The following PRMT3 variants were observed in gnomAD, a reference collection of about 807,000 sequenced individuals.
The protein encoded by PRMT3 is protein arginine N-methyltransferase 3.
In PRMT3, 62 loss-of-function variants were observed where a neutral mutation model predicts 71.9. The ratio of observed to expected loss-of-function variants is 0.86; its 90% CI spans 0.70 to 1.07. The LOEUF (loss-of-function observed/expected upper bound fraction) is 1.07, where lower values mean the gene tolerates loss of function less well. PRMT3 is among the 50% of genes least tolerant of loss of function. The probability of loss-of-function intolerance (pLI) is 0.00; values close to 1 mark genes in which losing one functional copy is unlikely to be tolerated. For missense variants in PRMT3, 663 were observed against 643.0 expected (o/e 1.03, Z -0.34); for synonymous variants, 213 against 220.4 (o/e 0.97, Z 0.30).
At chr11:20,482,136 G>A (rs915923167) in intron 13 of PRMT3, among the ~76,000 whole-genome samples, 3 of 149,336 alleles carry the variant, frequency 2.0e-5, no homozygotes, top group African/African-American at 7.7e-5. Context: ...ATAGAGATTC[G>A]TGTGCTTGAT....
At chr11:20,457,993 G>T (rs1258659337) in intron 11 of PRMT3, among the ~76,000 whole-genome samples, 1 of 152,086 alleles carries the variant, frequency 6.6e-6, no homozygotes, top group Admixed American at 6.5e-5. Flanking sequence ...GAATGATGGG[G>T]AAATGAGTCC....
At chr11:20,443,045 T>G (rs1849945082) in intron 10 of PRMT3, among the ~76,000 whole-genome samples, 1 of 152,106 alleles carries the variant, frequency 6.6e-6, no homozygotes, top group Admixed American at 6.5e-5. Flanking sequence ...GTTGCCAAAT[T>G]CTCCTCAATG....
intron 6 of PRMT3, among the ~76,000 whole-genome samples, chr11:20,397,259 AAAG>A (rs1226792529): frequency 6.6e-6 from 1 of 152,258 alleles, no homozygotes; most frequent in Non-Finnish European, 1.5e-5. Context: ...ATTTGCTAAA[AAAG>A]GATTTTAAAA....
intron 10 of PRMT3, among the ~76,000 whole-genome samples, chr11:20,428,778 A>G (rs920880445): frequency 6.6e-6 from 1 of 152,238 alleles, no homozygotes; most frequent in South Asian, 2.1e-4. Context: ...TAGAAACACT[A>G]AATCTCCCAA....
intron 3 of PRMT3, among the ~76,000 whole-genome samples, chr11:20,391,407 G>C (rs1488626398): frequency 6.6e-6 from 1 of 151,962 alleles, no homozygotes; most frequent in Non-Finnish European, 1.5e-5. Context: ...CACCACACTG[G>C]CTAATTTTGT....
intron 11 of PRMT3, among the ~76,000 whole-genome samples, chr11:20,458,682 AT>A: frequency 6.6e-6 from 1 of 152,218 alleles, no homozygotes; most frequent in Non-Finnish European, 1.5e-5. Flanking sequence ...TATAACACTG[AT>A]TACATATCCT....
chr11:20,505,364 T>C (rs1851566189), intron 15 of PRMT3, among the ~76,000 whole-genome samples: 1 of 152,212 alleles, frequency 6.6e-6, no homozygotes. Flanking sequence ...AAGTGTCCAT[T>C]ATCTGTCTTT....
intron 8 of PRMT3, among the ~76,000 whole-genome samples, chr11:20,404,217 T>TTTTTG (rs1849016388): frequency 2.1e-5 from 1 of 47,880 alleles, no homozygotes; most frequent in African/African-American, 7.7e-5. Context: ...CATAGTTTTT[T>TTTTTG]TTTTTTTTTT....
intron 4 of PRMT3, 25 bp from the exon 5 acceptor site, chr11:20,392,872 A>G (rs769515810): frequency 7.1e-7 from 1 of 1,415,758 alleles, no homozygotes; most frequent in East Asian, 2.3e-5. Flanking sequence ...TAATGAAAAA[A>G]ACATGAGATT....
At chr11:20,482,072 G>T (rs560974530) in intron 13 of PRMT3, among the ~76,000 whole-genome samples, 121 of 152,198 alleles carry the variant, frequency 8.0e-4, no homozygotes, top group African/African-American at 2.8e-3. Flanking sequence ...GAATGCAAAA[G>T]TCCACAAAAT....
intron 10 of PRMT3, among the ~76,000 whole-genome samples, chr11:20,442,678 A>AT (rs2133375128): frequency 6.6e-6 from 1 of 152,240 alleles, no homozygotes; most frequent in East Asian, 1.9e-4. Context: ...CAGGTATTTG[A>AT]TTAATTCTGC....
rs970257175 is a variant in PRMT3 at position 20,427,105 on chromosome 11, T to C, written c.993+240T>C. ...TCATAATCTTTAAAAAGTGATAAATTATCTTTTTTATCTTAAAAGTCCTGA... is the reference window on the plus strand; with the variant it reads ...TCATAATCTTTAAAAAGTGATAAATCATCTTTTTTATCTTAAAAGTCCTGA... On this transcript the variant is annotated intron_variant, in intron 10 of 15. Coordinates refer to ENST00000331079, the MANE Select transcript of PRMT3 (RefSeq NM_005788.4). Among the ~76,000 whole-genome samples, 10 of 152,280 alleles carry C rather than the reference T, an allele frequency of 6.6e-5. No homozygotes were observed. In the South Asian group the frequency reaches 1.9e-3, roughly 28 times the overall value.
At chr11:20,464,323 T>A in intron 12 of PRMT3, 137 bp from the exon 13 acceptor site, 1 of 1,232,956 alleles carries the variant, frequency 8.1e-7, no homozygotes, top group Non-Finnish European at 1.1e-6. Flanking sequence ...GAGTAAAGTT[T>A]GCAAAACTTT....
At chr11:20,500,387 A>G (rs1851429980) in intron 15 of PRMT3, among the ~76,000 whole-genome samples, 1 of 151,942 alleles carries the variant, frequency 6.6e-6, no homozygotes, top group Non-Finnish European at 1.5e-5. Flanking sequence ...TTTTGTAGAA[A>G]TTAATGGGCT....
chr11:20,500,376 G>A (rs867065008), intron 15 of PRMT3, among the ~76,000 whole-genome samples: 4 of 152,074 alleles, frequency 2.6e-5, no homozygotes, highest in Admixed American at 1.3e-4. Context: ...CAAAATCTCA[G>A]TTTTGTAGAA....
intron 10 of PRMT3, among the ~76,000 whole-genome samples, chr11:20,450,769 T>G (rs1387267801): frequency 1.3e-5 from 2 of 152,140 alleles, no homozygotes; most frequent in African/African-American, 2.4e-5. Context: ...TAATCTCTTG[T>G]GAAGATTATC....
chr11:20,409,564 A>C (rs113569332), intron 9 of PRMT3, among the ~76,000 whole-genome samples: 2 of 152,162 alleles, frequency 1.3e-5, no homozygotes, highest in African/African-American at 4.8e-5. Context: ...ACAAATACCA[A>C]ATCAGTGTTA....
rs1161704399 is a variant in PRMT3 at position 20,392,231 on chromosome 11, A to C, written c.268A>C (p.Ile90Leu). 1.9e-6 allele frequency: 3 copies of C among 1,566,316 alleles called. No individual in the cohort carries two copies. The highest frequency in any genetic ancestry group is 1.4e-5 in the African/African-American group (1 of 73,456). ...HKHGLEFYGY[I>L]KLINFIRLKN... ...TTTAGGACTTGAATTTTATGGATACATTAAGCTAATAAATTTTATTAGACT... is the reference window on the plus strand; with the variant it reads ...TTTAGGACTTGAATTTTATGGATACCTTAAGCTAATAAATTTTATTAGACT... The change falls in exon 4 of 16, where the codon ATT (isoleucine) becomes CTT (leucine). Residue 90 changes from isoleucine (I) to leucine (L), a missense_variant. Ile to Leu is a conservative substitution (Grantham distance 5). Coordinates refer to ENST00000331079, the MANE Select transcript of PRMT3 (RefSeq NM_005788.4).
rs1048672240 is a variant in PRMT3, at chr11:20,508,478, G to A, written c.*65G>A. ...GGGGGTAGAGTGGGTCAGCAGGAGG[G>A]AGCTGGTTTTATGTGAGCAGATGGA... is the stretch of plus-strand genomic sequence containing the variant. On this transcript the variant is annotated 3_prime_UTR_variant, in exon 16 of 16. Transcript: ENST00000331079. 1.7e-6 allele frequency: 2 copies of A among 1,174,706 alleles called. No individual in the cohort carries two copies. The highest frequency in any genetic ancestry group is 3.0e-5 in the African/African-American group (2 of 66,022). The allele number at this position is 1,174,706 out of a possible 1,614,324, so 72.8% of individuals were successfully genotyped here.
Sources: allele counts gnomAD v4.1 joint callset (sites outside exome capture counted in the v4.1 genomes callset), GRCh38; gene constraint gnomAD v4.1.1; transcripts MANE v1.5; gene names NCBI Gene and HGNC (gene_info 2026-07-23, HGNC 2026-07-21).